Variants in SMURF2 observed in about 807,000 individuals in gnomAD.
SMURF2 encodes the protein SMAD specific E3 ubiquitin protein ligase 2.
Under a neutral mutation model 109.6 loss-of-function variants are expected in SMURF2, and 48 were observed. The ratio of observed to expected loss-of-function variants is 0.44; its 90% CI spans 0.35 to 0.56. SMURF2 has a LOEUF of 0.56. SMURF2 is among the 20% of genes least tolerant of loss of function. SMURF2 has a pLI of 0.01. For missense variants in SMURF2, 575 were observed against 909.0 expected, an observed-to-expected ratio of 0.63 and a Z score of 4.72; for synonymous variants, 288 against 317.1, an observed-to-expected ratio of 0.91 and a Z score of 0.97.
chr17:64,606,532 A>G, intron 2 of SMURF2, 70 bp downstream of exon 2: 12 of 1,119,432 alleles, frequency 1.1e-5, no homozygotes, highest in Non-Finnish European at 1.5e-5. Flanking sequence ...CCCCTAAACC[A>G]GAGAATTCTG....
intron 9 of SMURF2, chr17:64,573,110 T>C (rs1356676261): frequency 7.9e-6 from 1 of 126,078 alleles, no homozygotes; most frequent in Non-Finnish European, 1.7e-5. Flanking sequence ...TGTGGTCCTC[T>C]TTTTATTAAA....
intron 1 of SMURF2, among the ~76,000 whole-genome samples, chr17:64,617,606 C>T (rs548334727): frequency 4.6e-5 from 7 of 152,226 alleles, no homozygotes; most frequent in African/African-American, 1.7e-4. Context: ...CCCATCTCAA[C>T]CTCTGAGTAC....
intron 4 of SMURF2, among the ~76,000 whole-genome samples, chr17:64,592,078 T>A (rs1555687740): frequency 6.6e-6 from 1 of 152,196 alleles, no homozygotes; most frequent in Non-Finnish European, 1.5e-5. Context: ...GGCTATACAG[T>A]GGATTCTGCA....
At chr17:64,550,024 A>G (rs566338770) in intron 16 of SMURF2, among the ~76,000 whole-genome samples, 1 of 152,340 alleles carries the variant, frequency 6.6e-6, no homozygotes, top group African/African-American at 2.4e-5. Flanking sequence ...GAGGAATGGC[A>G]GTTAGAAGGC....
At chr17:64,611,924 G>A (rs370818036) in intron 1 of SMURF2, among the ~76,000 whole-genome samples, 3 of 151,956 alleles carry the variant, frequency 2.0e-5, no homozygotes, top group African/African-American at 7.3e-5. Flanking sequence ...CTAAGATCCA[G>A]CCACACTAAC....
chr17:64,643,862 T>C (rs1286799183), intron 1 of SMURF2, among the ~76,000 whole-genome samples: 5 of 152,184 alleles, frequency 3.3e-5, no homozygotes, highest in African/African-American at 1.2e-4. Flanking sequence ...AGTCTCAATC[T>C]GTGGCCCAGG....
At chr17:64,564,355 C>A (rs1168947872) in intron 10 of SMURF2, among the ~76,000 whole-genome samples, 2 of 152,126 alleles carry the variant, frequency 1.3e-5, no homozygotes, top group African/African-American at 4.8e-5. Context: ...CTGCATGATT[C>A]CATTTATCTA....
intron 16 of SMURF2, among the ~76,000 whole-genome samples, chr17:64,549,227 C>T (rs1555683397): frequency 7.0e-6 from 1 of 143,278 alleles, no homozygotes. Flanking sequence ...GAGCTGAGAT[C>T]CCATCAGCCT....
chr17:64,635,470 A>C (rs1227032616), intron 1 of SMURF2, among the ~76,000 whole-genome samples: 1 of 152,008 alleles, frequency 6.6e-6, no homozygotes, highest in African/African-American at 2.4e-5. Context: ...ACCCCAAAAC[A>C]ACCCCCATAC....
chr17:64,660,276 A>G (rs1970757070), intron 1 of SMURF2, among the ~76,000 whole-genome samples: 1 of 152,104 alleles, frequency 6.6e-6, no homozygotes, highest in Non-Finnish European at 1.5e-5. Context: ...CTGGGATCAC[A>G]TGTTCTTTCC....
At chr17:64,661,386 C>A (rs568243438) in intron 1 of SMURF2, among the ~76,000 whole-genome samples, 42 of 152,162 alleles carry the variant, frequency 2.8e-4, no homozygotes, top group Admixed American at 7.9e-4. Flanking sequence ...ACACGCACAC[C>A]CTCCCGTTAA....
intron 2 of SMURF2, among the ~76,000 whole-genome samples, chr17:64,599,984 A>G (rs1969871452): frequency 6.6e-6 from 1 of 152,224 alleles, no homozygotes; most frequent in Non-Finnish European, 1.5e-5. Flanking sequence ...GAGAGGCTTA[A>G]AAGTCGGGCA....
intron 1 of SMURF2, among the ~76,000 whole-genome samples, chr17:64,642,066 C>T (rs377121418): frequency 1.3e-5 from 2 of 152,228 alleles, no homozygotes; most frequent in Non-Finnish European, 2.9e-5. Flanking sequence ...CTCAGCCTCC[C>T]GAAGTGCTGG....
At chr17:64,593,241 C>G (rs1426916158) in intron 4 of SMURF2, 199 bp downstream of exon 4, 1 of 290,468 alleles carries the variant, frequency 3.4e-6, no homozygotes, top group Admixed American at 5.2e-5. Flanking sequence ...AAATTTAGAT[C>G]AGGAATTTTT....
At chr17:64,559,332 A>C (rs1969174773) in intron 12 of SMURF2, among the ~76,000 whole-genome samples, 1 of 152,194 alleles carries the variant, frequency 6.6e-6, no homozygotes, top group African/African-American at 2.4e-5. Context: ...TCGGTGGCTC[A>C]TGACTGTAAT....
At chr17:64,568,993 C>A (rs1969357929) in intron 10 of SMURF2, among the ~76,000 whole-genome samples, 3 of 146,846 alleles carry the variant, frequency 2.0e-5, no homozygotes, top group Admixed American at 2.0e-4. Flanking sequence ...CAAAGCAAGA[C>A]TCCATCTCAA....
intron 1 of SMURF2, among the ~76,000 whole-genome samples, chr17:64,629,729 C>T (rs1970312854): frequency 6.6e-6 from 1 of 152,116 alleles, no homozygotes; most frequent in Non-Finnish European, 1.5e-5. Flanking sequence ...GGAAGAATGT[C>T]AGTGGATTGG....
At chr17:64,654,131 G>C in intron 1 of SMURF2, among the ~76,000 whole-genome samples, 1 of 152,144 alleles carries the variant, frequency 6.6e-6, no homozygotes, top group East Asian at 1.9e-4. Context: ...AACTTTTTGG[G>C]AAGAAATGGG....
chr17:64,607,727 T>C (rs569292931), intron 1 of SMURF2, among the ~76,000 whole-genome samples: 16 of 151,700 alleles, frequency 1.1e-4, no homozygotes, highest in Non-Finnish European at 2.2e-4. Flanking sequence ...TCCCAGTACT[T>C]TGGGAGGCCA....
Sources: allele counts gnomAD v4.1 joint callset (sites outside exome capture counted in the v4.1 genomes callset), GRCh38; gene constraint gnomAD v4.1.1; transcripts MANE v1.5; gene names NCBI Gene and HGNC (gene_info 2026-07-23, HGNC 2026-07-21).